Variants in ERICH6B observed in about 807,000 individuals in gnomAD.
The protein encoded by ERICH6B is glutamate rich 6B.
A neutral mutation model predicts 80.0 loss-of-function variants in ERICH6B; 69 were observed. The observed-to-expected ratio is 0.86, with a 90% CI of 0.71 to 1.05. The LOEUF (loss-of-function observed/expected upper bound fraction) is 1.05. ERICH6B is among the 50% of genes least tolerant of loss of function. The probability of loss-of-function intolerance (pLI) is 0.00; values close to 1 mark genes in which losing one functional copy is unlikely to be tolerated. For missense variants in ERICH6B, 754 were observed against 796.1 expected (o/e 0.95, Z 0.64); for synonymous variants, 283 against 291.9 (o/e 0.97, Z 0.31).
intron 13 of ERICH6B, among the ~76,000 whole-genome samples, chr13:45,547,230 A>T (rs1874029056): frequency 6.6e-6 from 1 of 152,230 alleles, no homozygotes; most frequent in Non-Finnish European, 1.5e-5. Flanking sequence ...AAAACGTTAA[A>T]ATTTCCTTGT....
chr13:45,561,432 T>C lies in ERICH6B; in HGVS notation c.1344A>G (p.Gln448=), dbSNP rs912648763. 7 of 1,552,218 alleles carry C rather than the reference T, an allele frequency of 4.5e-6. No homozygotes were observed. The Admixed American group carries it at 1.2e-4, about 26-fold the overall frequency. The change falls in exon 11 of 15, where the codon CAA becomes CAG. Residue 448 remains glutamine (Q), a synonymous_variant. Coordinates refer to ENST00000298738, the MANE Select transcript of ERICH6B (RefSeq NM_182542.3). ...ATTTCTTCCTATGATGAACAACACGTTGAGGCTTTTGGATTTCTTCTGTCT... is the reference window on the plus strand; with the variant it reads ...ATTTCTTCCTATGATGAACAACACGCTGAGGCTTTTGGATTTCTTCTGTCT... ...KPETEEIQKP[Q]RVVHHRKKLE...
chr13:45,548,284 G>GA (rs531012763), intron 13 of ERICH6B, among the ~76,000 whole-genome samples: 15 of 152,238 alleles, frequency 9.9e-5, no homozygotes, highest in Admixed American at 3.3e-4. Context: ...GCACCATGGA[G>GA]AAGTCCTGTT....
At chr13:45,543,090 C>G (rs541230868) in intron 14 of ERICH6B, among the ~76,000 whole-genome samples, 1 of 152,192 alleles carries the variant, frequency 6.6e-6, no homozygotes. Context: ...CCAGGGGCCC[C>G]GGGACACCTC....
intron 4 of ERICH6B, among the ~76,000 whole-genome samples, chr13:45,589,139 G>C (rs1247134690): frequency 6.6e-6 from 1 of 152,226 alleles, no homozygotes; most frequent in Non-Finnish European, 1.5e-5. Flanking sequence ...GCCTAAAGGA[G>C]TCTGTGGAAG....
At chr13:45,557,076 T>C (rs1254580207) in intron 11 of ERICH6B, among the ~76,000 whole-genome samples, 2 of 152,190 alleles carry the variant, frequency 1.3e-5, no homozygotes, top group Non-Finnish European at 2.9e-5. Context: ...GTGTTCTCTG[T>C]TCACCGCATC....
intron 11 of ERICH6B, among the ~76,000 whole-genome samples, chr13:45,557,694 T>C (rs1874498561): frequency 6.6e-6 from 1 of 152,216 alleles, no homozygotes; most frequent in African/African-American, 2.4e-5. Flanking sequence ...AGATGTCCTT[T>C]CTCCACTTTA....
intron 3 of ERICH6B, among the ~76,000 whole-genome samples, chr13:45,594,391 A>G (rs1593323976): frequency 6.6e-6 from 1 of 152,298 alleles, no homozygotes; most frequent in African/African-American, 2.4e-5. Context: ...TCTAGTGGGT[A>G]ATATATTTTC....
At chr13:45,604,165 G>A (rs1433317005) in intron 2 of ERICH6B, among the ~76,000 whole-genome samples, 1 of 152,248 alleles carries the variant, frequency 6.6e-6, no homozygotes, top group East Asian at 1.9e-4. Flanking sequence ...TCTGAGAAGA[G>A]GGAACTCTGC....
At chr13:45,550,892 T>A (rs930285029) in intron 11 of ERICH6B, among the ~76,000 whole-genome samples, 2 of 152,220 alleles carry the variant, frequency 1.3e-5, no homozygotes, top group Non-Finnish European at 2.9e-5. Flanking sequence ...GACCTCATCT[T>A]AACTCATTAC....
chr13:45,545,246 G>A (rs1873948356), intron 13 of ERICH6B, among the ~76,000 whole-genome samples: 1 of 152,016 alleles, frequency 6.6e-6, no homozygotes, highest in Admixed American at 6.6e-5. Context: ...TCACAGCTTT[G>A]CCATGCTCTG....
At chr13:45,559,586 G>A (rs1271018591) in intron 11 of ERICH6B, among the ~76,000 whole-genome samples, 1 of 151,944 alleles carries the variant, frequency 6.6e-6, no homozygotes, top group Non-Finnish European at 1.5e-5. Flanking sequence ...GGTTTCGTTA[G>A]GTTGTGTCAC....
At chr13:45,582,936 G>T (rs1875735404) in intron 5 of ERICH6B, among the ~76,000 whole-genome samples, 2 of 152,096 alleles carry the variant, frequency 1.3e-5, no homozygotes, top group Non-Finnish European at 2.9e-5. Flanking sequence ...TGGTCATTTT[G>T]CTCTCAGTAT....
intron 5 of ERICH6B, among the ~76,000 whole-genome samples, chr13:45,580,889 G>A (rs568445226): frequency 4.9e-4 from 75 of 152,230 alleles, no homozygotes; most frequent in African/African-American, 1.6e-3. Context: ...TAAATTAGTC[G>A]TCAGAAAATG....
chr13:45,601,986 G>A (rs1027482510), intron 2 of ERICH6B, among the ~76,000 whole-genome samples: 33 of 152,306 alleles, frequency 2.2e-4, no homozygotes, highest in African/African-American at 6.5e-4. Flanking sequence ...CTGAAGGTGC[G>A]TGTGTGTAAA....
In ERICH6B at chr13:45,564,922, G is replaced by C. The variant is rs541457590; in HGVS notation, c.1188-1134C>G. ...TTGTTTTTTGCCCACCTTTGCAAGC[G>C]AGTGGAATCCCCATCAGGCGGCTCT... is the stretch of plus-strand genomic sequence containing the variant. On this transcript the variant is annotated intron_variant, in intron 9 of 14. Coordinates refer to ENST00000298738, the MANE Select transcript of ERICH6B (RefSeq NM_182542.3). Among the ~76,000 whole-genome samples the C allele has an allele frequency of 6.4e-4, 97 of 152,306 alleles. 1 individual carries two copies. The highest frequency in any genetic ancestry group is 1.2e-3 in the Admixed American group (18 of 15,312).
intron 3 of ERICH6B, among the ~76,000 whole-genome samples, chr13:45,592,133 G>A (rs571423669): frequency 1.3e-5 from 2 of 152,310 alleles, no homozygotes; most frequent in Middle Eastern, 3.4e-3. Context: ...TCTGTGAAAT[G>A]GGCAGGAAGA....
At chr13:45,610,284 T>C (rs1181604743) in intron 1 of ERICH6B, among the ~76,000 whole-genome samples, 1 of 151,930 alleles carries the variant, frequency 6.6e-6, no homozygotes, top group African/African-American at 2.4e-5. Flanking sequence ...CTCAAAAGAA[T>C]TAAGTAACTC....
chr13:45,577,756 T>C (rs756129804), intron 7 of ERICH6B, among the ~76,000 whole-genome samples: 5 of 152,164 alleles, frequency 3.3e-5, no homozygotes, highest in Non-Finnish European at 7.3e-5. Context: ...CCATGCCTGA[T>C]TAATTTTTAA....
chr13:45,542,799 C>G (rs556685194), intron 14 of ERICH6B, among the ~76,000 whole-genome samples: 33 of 152,328 alleles, frequency 2.2e-4, no homozygotes, highest in Admixed American at 5.2e-4. Flanking sequence ...AAATAGGAGG[C>G]CTTCCCAGGC....
Sources: allele counts gnomAD v4.1 joint callset (sites outside exome capture counted in the v4.1 genomes callset), GRCh38; gene constraint gnomAD v4.1.1; transcripts MANE v1.5; gene names NCBI Gene and HGNC (gene_info 2026-07-23, HGNC 2026-07-21).